TMEM131L: variants seen among roughly 807,000 people sequenced by gnomAD.
TMEM131L encodes the protein transmembrane protein 131-like.
In TMEM131L, 54 loss-of-function variants were observed where a neutral mutation model predicts 192.2. The ratio of observed to expected loss-of-function variants is 0.28; its 90% confidence interval spans 0.23 to 0.35. The LOEUF (loss-of-function observed/expected upper bound fraction) is 0.35, where lower values mean the gene tolerates loss of function less well. TMEM131L is among the 10% of genes least tolerant of loss of function. The pLI is 1.00. For synonymous variants in TMEM131L, 701 were observed against 704.9 expected, an observed-to-expected ratio of 0.99 and a Z score of 0.09; for missense variants, 1,888 against 1,972.9, an observed-to-expected ratio of 0.96 and a Z score of 0.82.
At chr4:153,581,016 G>C in intron 8 of TMEM131L, 113 bp downstream of exon 8, 1 of 704,636 alleles carries the variant, frequency 1.4e-6, no homozygotes, top group Non-Finnish European at 2.4e-6. Context: ...CACTTTGGGA[G>C]GCCGAGGCGA....
At chr4:153,632,936 G>C in intron 32 of TMEM131L, 98 bp downstream of exon 32, 1 of 1,417,408 alleles carries the variant, frequency 7.1e-7, no homozygotes, top group Non-Finnish European at 9.7e-7. Context: ...AAAAATGAAG[G>C]CTAGGCTTCT....
chr4:153,488,000 T>TGAGAGA (rs138254255), intron 3 of TMEM131L, among the ~76,000 whole-genome samples: 4 of 149,898 alleles, frequency 2.7e-5, no homozygotes, highest in African/African-American at 7.4e-5. Flanking sequence ...TGTGTATGTA[T>TGAGAGA]GAGAGACAAG....
At chr4:153,499,155 C>T (rs1272533683) in intron 3 of TMEM131L, among the ~76,000 whole-genome samples, 1 of 152,236 alleles carries the variant, frequency 6.6e-6, no homozygotes, top group Non-Finnish European at 1.5e-5. Context: ...TGGGCCAGGC[C>T]TGAACTAACC....
Position 153,586,420 on chromosome 4 carries a change from A to G in TMEM131L, c.1482+41A>G, listed in dbSNP as rs780162821. 5 of 1,442,840 alleles carry G rather than the reference A, an allele frequency of 3.5e-6. No homozygotes were observed. In the Admixed American group the frequency reaches 7.3e-5, roughly 21 times the overall value. The allele number at this position is 1,442,840 out of a possible 1,614,324, so 89.4% of individuals were successfully genotyped here. A position where few individuals can be genotyped will look rare whatever the true frequency, so the allele number is the denominator to read the frequency against. ...CTATATGTGTGTTACAGTTTTCTTA[A>G]TTACTGTTGCTTTTTATTAACCTTT... On this transcript the variant is annotated intron_variant, in intron 14 of 34. Coordinates refer to ENST00000409959, the MANE Select transcript of TMEM131L (RefSeq NM_001131007.2).
intron 3 of TMEM131L, 138 bp from the exon 4 acceptor site, chr4:153,549,934 AG>A (rs1737478364): frequency 2.3e-6 from 1 of 430,438 alleles, no homozygotes; most frequent in African/African-American, 2.1e-5. Context: ...GACTTCTAAT[AG>A]TTCAATTTTA....
intron 31 of TMEM131L, among the ~76,000 whole-genome samples, chr4:153,629,674 G>C (rs1439520362): frequency 1.3e-5 from 2 of 152,106 alleles, no homozygotes; most frequent in Non-Finnish European, 2.9e-5. Flanking sequence ...AAACCGTGCT[G>C]TCGGGGTCCC....
At chr4:153,468,929 G>A (rs529192779) in intron 2 of TMEM131L, among the ~76,000 whole-genome samples, 1 of 152,316 alleles carries the variant, frequency 6.6e-6, no homozygotes, top group East Asian at 1.9e-4. Flanking sequence ...AGACTAAAAG[G>A]AAAGTAAATT....
intron 3 of TMEM131L, among the ~76,000 whole-genome samples, chr4:153,528,389 T>C (rs1181368832): frequency 6.6e-6 from 1 of 152,138 alleles, no homozygotes; most frequent in Non-Finnish European, 1.5e-5. Flanking sequence ...TTTCACAATA[T>C]TGAAAAAAGC....
chr4:153,504,653 A>G (rs1383640757), intron 3 of TMEM131L, among the ~76,000 whole-genome samples: 3 of 152,200 alleles, frequency 2.0e-5, no homozygotes, highest in Non-Finnish European at 2.9e-5. Flanking sequence ...GTTGTAATAT[A>G]AATTTTCTTA....
chr4:153,622,754 T>A, intron 28 of TMEM131L, 144 bp from the exon 29 acceptor site: 1 of 767,794 alleles, frequency 1.3e-6, no homozygotes. Context: ...TTAGTTTCCA[T>A]GAACTCCTCC....
At chr4:153,485,476 A>G (rs1732267109) in intron 3 of TMEM131L, among the ~76,000 whole-genome samples, 1 of 152,232 alleles carries the variant, frequency 6.6e-6, no homozygotes, top group Non-Finnish European at 1.5e-5. Flanking sequence ...GGTGGATCCC[A>G]GAGAATAGCC....
intron 19 of TMEM131L, among the ~76,000 whole-genome samples, chr4:153,595,429 GT>G (rs1731359551): frequency 6.6e-6 from 1 of 150,536 alleles, no homozygotes; most frequent in African/African-American, 2.4e-5. Flanking sequence ...CCTTCATGGA[GT>G]TTATAATTCT....
intron 32 of TMEM131L, among the ~76,000 whole-genome samples, chr4:153,633,718 ATC>A (rs905691730): frequency 6.6e-6 from 1 of 152,190 alleles, no homozygotes. Context: ...AGTATTTCCT[ATC>A]TCATTTCTAT....
At chr4:153,550,895 AC>A (rs752814017) in intron 4 of TMEM131L, among the ~76,000 whole-genome samples, 12 of 152,160 alleles carry the variant, frequency 7.9e-5, no homozygotes, top group Non-Finnish European at 1.6e-4. Flanking sequence ...AACTGTAATG[AC>A]TTTACAGTAT....
chr4:153,594,777 G>T (rs776210877), intron 19 of TMEM131L, among the ~76,000 whole-genome samples: 6 of 152,142 alleles, frequency 3.9e-5, no homozygotes, highest in Non-Finnish European at 7.3e-5. Flanking sequence ...GGGCGAGTTG[G>T]GGGGAGTGGT....
chr4:153,529,748 A>G (rs112966784), intron 3 of TMEM131L, among the ~76,000 whole-genome samples: 4,523 of 152,088 alleles, frequency 0.03, 182 homozygotes, highest in African/African-American at 0.092. Context: ...TGCTTCAAAC[A>G]CCTCCCTTTT....
chr4:153,627,342 C>T (rs1733917161), intron 30 of TMEM131L, among the ~76,000 whole-genome samples: 1 of 152,110 alleles, frequency 6.6e-6, no homozygotes, highest in Non-Finnish European at 1.5e-5. Context: ...AGATTTAAAA[C>T]CACAGGTTAC....
intron 26 of TMEM131L, among the ~76,000 whole-genome samples, chr4:153,614,519 G>T (rs550711063): frequency 6.6e-6 from 1 of 152,266 alleles, no homozygotes; most frequent in Non-Finnish European, 1.5e-5. Flanking sequence ...CTGAGTTGGT[G>T]GGGGGCGGCG....
At chr4:153,568,312 T>C (rs1330670057) in intron 7 of TMEM131L, among the ~76,000 whole-genome samples, 1 of 152,166 alleles carries the variant, frequency 6.6e-6, no homozygotes, top group Non-Finnish European at 1.5e-5. Flanking sequence ...TCAGACTCAG[T>C]GGAGTGTCTT....
Sources: allele counts gnomAD v4.1 joint callset (sites outside exome capture counted in the v4.1 genomes callset), GRCh38; gene constraint gnomAD v4.1.1; transcripts MANE v1.5; gene names NCBI Gene and HGNC (gene_info 2026-07-23, HGNC 2026-07-21).